The following GRIP1 variants were observed in gnomAD, a reference collection of about 807,000 sequenced individuals.
GRIP1 encodes the protein glutamate receptor-interacting protein 1.
Under a neutral mutation model 129.9 loss-of-function variants are expected in GRIP1, and 45 were observed. The observed-to-expected ratio is 0.35, with a 90% CI of 0.27 to 0.44. GRIP1 has a LOEUF of 0.44. Among genes scored for constraint, GRIP1 ranks in the 20% least tolerant of loss-of-function variants. The pLI, the probability that GRIP1 is intolerant of heterozygous loss-of-function variation, is 1.00. For missense variants in GRIP1, 1,196 were observed against 1,396.8 expected, an observed-to-expected ratio of 0.86 and a Z score of 2.29; for synonymous variants, 530 against 520.8, an observed-to-expected ratio of 1.02 and a Z score of -0.24.
chr12:66,481,865 G>A (rs1181109219), intron 7 of GRIP1, among the ~76,000 whole-genome samples: 12 of 151,422 alleles, frequency 7.9e-5, no homozygotes, highest in Admixed American at 2.0e-4. Flanking sequence ...ACCAAACACC[G>A]CACGTTCTCA....
chr12:66,899,579 G>A (rs1207975594), intron 1 of GRIP1, among the ~76,000 whole-genome samples: 1 of 151,802 alleles, frequency 6.6e-6, no homozygotes, highest in South Asian at 2.1e-4. Context: ...TGTCCAGGCT[G>A]GTTGAAAACT....
At chr12:66,525,139 C>T (rs1592484670) in intron 5 of GRIP1, among the ~76,000 whole-genome samples, 2 of 152,268 alleles carry the variant, frequency 1.3e-5, no homozygotes, top group East Asian at 3.9e-4. Context: ...GAAATTATTC[C>T]AATCAATAGA....
At position 66,881,256 on chromosome 12, in the gene GRIP1, T is replaced by C. The variant is rs1479266252; in HGVS notation, c.58+187794A>G. Among the ~76,000 whole-genome samples, 4 of 151,908 alleles carry C rather than the reference T, an allele frequency of 2.6e-5. No individual in the cohort carries two copies. In the East Asian group the frequency reaches 5.8e-4, roughly 22 times the overall value. ...GTGGCAGTGTAGAGCTTCCTTTTTT[T>C]CTGGACGCTAATACCAGAGGTCAGT... On this transcript the variant is annotated intron_variant, in intron 1 of 1. Transcript: ENST00000643019.
chr12:67,003,283 T>G (rs2042578484), intron 1 of GRIP1, among the ~76,000 whole-genome samples: 1 of 152,342 alleles, frequency 6.6e-6, no homozygotes, highest in Non-Finnish European at 1.5e-5. Context: ...AATGGATAAA[T>G]TGTTGTACTT....
chr12:66,809,087 C>A (rs2136945534), upstream of GRIP1, among the ~76,000 whole-genome samples: 1 of 152,298 alleles, frequency 6.6e-6, no homozygotes, highest in South Asian at 2.1e-4. Flanking sequence ...GCATTTCAAC[C>A]AGCAAGGGCA....
intron 7 of GRIP1, among the ~76,000 whole-genome samples, chr12:66,476,566 C>T (rs922843541): frequency 6.6e-6 from 1 of 152,054 alleles, no homozygotes; most frequent in African/African-American, 2.4e-5. Flanking sequence ...CTGACAGAGA[C>T]ACAACAAAAA....
chr12:66,398,384 T>C (rs890353395), intron 16 of GRIP1, among the ~76,000 whole-genome samples: 1 of 152,000 alleles, frequency 6.6e-6, no homozygotes, highest in Non-Finnish European at 1.5e-5. Context: ...TCCAATCTGC[T>C]AAATTCTCTC....
chr12:66,853,484 A>T (rs2039950340), intron 1 of GRIP1, among the ~76,000 whole-genome samples: 1 of 152,090 alleles, frequency 6.6e-6, no homozygotes, highest in Non-Finnish European at 1.5e-5. Context: ...CAAGTATCTG[A>T]GGGAGCCATT....
At chr12:66,774,751 A>G (rs2037925913) in intron 1 of GRIP1, among the ~76,000 whole-genome samples, 1 of 152,208 alleles carries the variant, frequency 6.6e-6, no homozygotes, top group Admixed American at 6.5e-5. Context: ...TGCAGCCTCA[A>G]TGTACTGTTT....
chr12:66,428,317 G>A (rs558469882), intron 14 of GRIP1, among the ~76,000 whole-genome samples: 1 of 152,198 alleles, frequency 6.6e-6, no homozygotes, highest in Admixed American at 6.5e-5. Context: ...CTGCAAAGTT[G>A]GCAAAATAAC....
In GRIP1 at chr12:66,517,985, GA is replaced by G; in HGVS notation, c.503-10del. On this transcript the variant is annotated splice_polypyrimidine_tract_variant and intron_variant, in intron 5 of 24. Transcript: ENST00000359742. Reference sequence around the variant, plus strand: ...ATCATCATGTGCTCCCCCTAGCAAAGAAAAGGAACAGAGCTTAAAACTGCTT... The same window carrying G: ...ATCATCATGTGCTCCCCCTAGCAAAGAAAGGAACAGAGCTTAAAACTGCTT... 1 of 1,518,802 alleles carries G rather than the reference GA, an allele frequency of 6.6e-7. No homozygotes were observed. Among genetic ancestry groups the G allele is most frequent in the Non-Finnish European group, 9.1e-7 (1 of 1,093,334 alleles). 94.1% of individuals were successfully genotyped at this position (1,518,802 alleles called of 1,614,324 possible).
At chr12:66,811,765 T>G (rs1419482207) in intron 1 of GRIP1, among the ~76,000 whole-genome samples, 1 of 152,190 alleles carries the variant, frequency 6.6e-6, no homozygotes, top group Non-Finnish European at 1.5e-5. Context: ...CTTGGTTGGT[T>G]GGTTTTTACC....
intron 16 of GRIP1, among the ~76,000 whole-genome samples, chr12:66,395,803 T>C (rs967942023): frequency 1.3e-5 from 2 of 152,242 alleles, no homozygotes; most frequent in African/African-American, 2.4e-5. Context: ...AGCTCCCATA[T>C]CAAGCCTAAA....
At chr12:67,017,962 T>C (rs553963526) in intron 1 of GRIP1, among the ~76,000 whole-genome samples, 97 of 152,322 alleles carry the variant, frequency 6.4e-4, no homozygotes, top group Non-Finnish European at 1.2e-3. Context: ...TAATTGCTTA[T>C]GTGTTAGGCT....
chr12:66,658,103 T>C (rs1165546660), intron 1 of GRIP1, among the ~76,000 whole-genome samples: 4 of 151,354 alleles, frequency 2.6e-5, no homozygotes, highest in Non-Finnish European at 5.9e-5. Flanking sequence ...ATTTCAAAAG[T>C]TAATAAACAT....
chr12:66,994,840 G>T (rs771756026), intron 1 of GRIP1, among the ~76,000 whole-genome samples: 3 of 151,898 alleles, frequency 2.0e-5, no homozygotes, highest in Non-Finnish European at 4.4e-5. Flanking sequence ...ATGACAAGCT[G>T]ATTTTAAAAT....
At chr12:66,623,807 T>C (rs1349918420) in intron 1 of GRIP1, among the ~76,000 whole-genome samples, 2 of 152,168 alleles carry the variant, frequency 1.3e-5, no homozygotes, top group African/African-American at 4.8e-5. Context: ...GGTTTCAATT[T>C]GATCAATGTA....
At chr12:66,419,269 G>C (rs1156906940) in intron 15 of GRIP1, among the ~76,000 whole-genome samples, 1 of 152,106 alleles carries the variant, frequency 6.6e-6, no homozygotes, top group Non-Finnish European at 1.5e-5. Context: ...TGGAGAGAGA[G>C]AGAGTAGAAG....
At chr12:66,649,832 T>G (rs540251535) in intron 1 of GRIP1, among the ~76,000 whole-genome samples, 51 of 152,322 alleles carry the variant, frequency 3.3e-4, no homozygotes, top group African/African-American at 1.2e-3. Flanking sequence ...CACACACATA[T>G]GGATGTAGGA....
Sources: allele counts gnomAD v4.1 joint callset (sites outside exome capture counted in the v4.1 genomes callset), GRCh38; gene constraint gnomAD v4.1.1; transcripts MANE v1.5; gene names NCBI Gene and HGNC (gene_info 2026-07-23, HGNC 2026-07-21).